Variants in NRG1 observed in about 807,000 individuals in gnomAD.
NRG1 encodes the protein neuregulin 1, also known as pro-neuregulin-1, membrane-bound isoform.
A neutral mutation model predicts 63.8 loss-of-function variants in NRG1; 18 were observed. That is an observed-to-expected ratio of 0.28 (90% confidence interval 0.19 to 0.42). The LOEUF is 0.42. Ranked by LOEUF, NRG1 falls within the 10% of genes least tolerant of loss-of-function variation. The pLI, the probability that NRG1 is intolerant of heterozygous loss-of-function variation, is 1.00. For synonymous variants in NRG1, 302 were observed against 301.3 expected, an observed-to-expected ratio of 1.00 and a Z score of -0.02; for missense variants, 762 against 814.7, an observed-to-expected ratio of 0.94 and a Z score of 0.79.
At chr8:32,653,131 TTG>T (rs1855509610) in intron 5 of NRG1, among the ~76,000 whole-genome samples, 1 of 146,640 alleles carries the variant, frequency 6.8e-6, no homozygotes, top group Non-Finnish European at 1.5e-5. Context: ...TGGTTTTTTT[TTG>T]TTTGTTTGTT....
chr8:31,872,285 C>G (rs952360147), intron 1 of NRG1, among the ~76,000 whole-genome samples: 7 of 152,300 alleles, frequency 4.6e-5, no homozygotes, highest in African/African-American at 1.7e-4. Context: ...CTCTTTCTGA[C>G]AGCCCTTCCA....
chr8:32,631,865 G>A (rs182545386), intron 5 of NRG1, among the ~76,000 whole-genome samples: 8 of 152,096 alleles, frequency 5.3e-5, no homozygotes, highest in African/African-American at 9.6e-5. Flanking sequence ...TTTAATTTGC[G>A]CAGAATTCGC....
intron 1 of NRG1, among the ~76,000 whole-genome samples, chr8:32,326,097 C>A (rs992786758): frequency 6.6e-6 from 1 of 151,696 alleles, no homozygotes; most frequent in African/African-American, 2.4e-5. Context: ...GCAACCTCCA[C>A]CTCCTGGGTT....
chr8:32,643,991 A>G (rs1852944495), intron 5 of NRG1, among the ~76,000 whole-genome samples: 1 of 152,228 alleles, frequency 6.6e-6, no homozygotes, highest in Non-Finnish European at 1.5e-5. Flanking sequence ...CAGCAGAAAT[A>G]GGATGAATCA....
intron 1 of NRG1, among the ~76,000 whole-genome samples, chr8:32,034,411 CT>C (rs1227763329): frequency 1.3e-5 from 2 of 152,022 alleles, no homozygotes; most frequent in Non-Finnish European, 2.9e-5. Flanking sequence ...CTGAAGTTTT[CT>C]TTTTTTGCTG....
intron 1 of NRG1, among the ~76,000 whole-genome samples, chr8:31,719,963 T>C (rs773456575): frequency 1.2e-4 from 18 of 152,282 alleles, no homozygotes; most frequent in Admixed American, 3.9e-4. Context: ...TGTAAAATTG[T>C]CAGTTATAGG....
intron 6 of NRG1, among the ~76,000 whole-genome samples, chr8:32,732,702 T>G (rs1323897758): frequency 5.9e-5 from 9 of 152,124 alleles, no homozygotes; most frequent in Admixed American, 2.6e-4. Context: ...TTATTTTTCC[T>G]TATAATAAAA....
At chr8:31,745,522 T>A (rs2131424488) in intron 1 of NRG1, among the ~76,000 whole-genome samples, 1 of 152,092 alleles carries the variant, frequency 6.6e-6, no homozygotes, top group South Asian at 2.1e-4. Flanking sequence ...TATGCTAAGC[T>A]GGAGGTAATA....
chr8:32,533,507 G>A (rs1347172614), intron 1 of NRG1, among the ~76,000 whole-genome samples: 1 of 151,924 alleles, frequency 6.6e-6, no homozygotes, highest in Non-Finnish European at 1.5e-5. Flanking sequence ...AATAATCACA[G>A]AACACGCTGT....
intron 1 of NRG1, among the ~76,000 whole-genome samples, chr8:32,491,811 T>G (rs191966070): frequency 4.9e-4 from 75 of 152,282 alleles, no homozygotes; most frequent in African/African-American, 1.7e-3. Flanking sequence ...ACTTCCCTCT[T>G]TGAGGTTTGT....
At chr8:32,502,475 C>A (rs1442405039) in intron 1 of NRG1, among the ~76,000 whole-genome samples, 1 of 36,404 alleles carries the variant, frequency 2.7e-5, no homozygotes, top group Non-Finnish European at 5.7e-5. Context: ...TTCTTTAAAA[C>A]CTTATAAATA....
At chr8:31,749,974 A>G (rs1040012040) in intron 1 of NRG1, among the ~76,000 whole-genome samples, 1 of 151,814 alleles carries the variant, frequency 6.6e-6, no homozygotes, top group Non-Finnish European at 1.5e-5. Context: ...TTTCTCCTTG[A>G]CACATTTAGT....
At chr8:31,731,970 G>A (rs1814122283) in intron 1 of NRG1, among the ~76,000 whole-genome samples, 1 of 152,144 alleles carries the variant, frequency 6.6e-6, no homozygotes, top group Non-Finnish European at 1.5e-5. Context: ...TAATCAACCA[G>A]CGAATGTTAG....
chr8:32,228,932 CA>C (rs1187896792), intron 1 of NRG1, among the ~76,000 whole-genome samples: 2 of 152,048 alleles, frequency 1.3e-5, no homozygotes, highest in Non-Finnish European at 2.9e-5. Context: ...GAAATACCTA[CA>C]AAGAAGTGTA....
chr8:32,455,623 A>T (rs980745381), intron 1 of NRG1, among the ~76,000 whole-genome samples: 8 of 152,230 alleles, frequency 5.3e-5, no homozygotes, highest in Admixed American at 1.3e-4. Context: ...AAATATTTTT[A>T]AAAAATCAAG....
intron 1 of NRG1, among the ~76,000 whole-genome samples, chr8:31,757,419 C>T (rs191539150): frequency 1.0e-3 from 155 of 152,214 alleles, no homozygotes; most frequent in Non-Finnish European, 1.8e-3. Context: ...AAAAAAACAA[C>T]TCCACTAAAT....
chr8:32,543,199 A>T (rs529427841), intron 1 of NRG1, among the ~76,000 whole-genome samples: 3 of 152,330 alleles, frequency 2.0e-5, no homozygotes, highest in African/African-American at 7.2e-5. Flanking sequence ...AAATACAGAC[A>T]ATGCTTTCCA....
intron 1 of NRG1, among the ~76,000 whole-genome samples, chr8:32,502,043 G>T (rs1478122698): frequency 6.6e-6 from 1 of 152,132 alleles, no homozygotes; most frequent in Non-Finnish European, 1.5e-5. Context: ...TACTGTATTA[G>T]TCCATTCTTG....
At chr8:32,409,999 C>T (rs1403121925) in intron 1 of NRG1, among the ~76,000 whole-genome samples, 1 of 152,056 alleles carries the variant, frequency 6.6e-6, no homozygotes, top group Non-Finnish European at 1.5e-5. Flanking sequence ...CCTCCAAACC[C>T]TGCCTCTAAG....
Sources: gnomAD v4.1 joint callset for allele counts (sites outside exome capture counted in the v4.1 genomes callset) on GRCh38, gnomAD v4.1.1 for gene constraint, MANE v1.5 for transcripts, NCBI Gene and HGNC (gene_info 2026-07-23, HGNC 2026-07-21) for gene names.